The following PALM2AKAP2 variants were observed in gnomAD, a reference collection of about 807,000 sequenced individuals.
PALM2AKAP2 encodes PALM2-AKAP2 fusion protein.
A neutral mutation model predicts 71.5 loss-of-function variants in PALM2AKAP2; 37 were observed. The observed-to-expected ratio is 0.52, with a 90% CI of 0.40 to 0.68. PALM2AKAP2 has a LOEUF of 0.68. Ranked by LOEUF, PALM2AKAP2 falls within the 30% of genes least tolerant of loss-of-function variation. The pLI is 0.00. For missense variants in PALM2AKAP2, 1,224 were observed against 1,191.8 expected (o/e 1.03, Z -0.40); for synonymous variants, 468 against 478.8 (o/e 0.98, Z 0.29).
intron 1 of PALM2AKAP2, among the ~76,000 whole-genome samples, chr9:109,865,340 C>A (rs1281249146): frequency 1.3e-5 from 2 of 152,052 alleles, no homozygotes; most frequent in East Asian, 3.8e-4. Flanking sequence ...CTCGGGTGAT[C>A]CACCCACCTC....
At chr9:110,109,576 A>G (rs1423411678) in intron 1 of PALM2AKAP2, among the ~76,000 whole-genome samples, 1 of 152,148 alleles carries the variant, frequency 6.6e-6, no homozygotes, top group South Asian at 2.1e-4. Flanking sequence ...GAGCTCTGCC[A>G]TAGCTTGACA....
At chr9:109,911,376 A>T (rs1036119686) in intron 3 of PALM2AKAP2, among the ~76,000 whole-genome samples, 16 of 152,346 alleles carry the variant, frequency 1.1e-4, no homozygotes, top group Middle Eastern at 6.8e-3. Flanking sequence ...ACAGATTCTG[A>T]TAGTGTGAGT....
intron 6 of PALM2AKAP2, among the ~76,000 whole-genome samples, chr9:109,967,815 G>A (rs1564238076): frequency 6.6e-6 from 1 of 152,230 alleles, no homozygotes; most frequent in Non-Finnish European, 1.5e-5. Flanking sequence ...AGAAAGTGGT[G>A]GATGAGTCAA....
upstream of PALM2AKAP2, among the ~76,000 whole-genome samples, chr9:109,779,988 G>A (rs1346576795): frequency 4.0e-5 from 6 of 151,782 alleles, no homozygotes; most frequent in Non-Finnish European, 5.9e-5. Context: ...CCAGCCGTGC[G>A]CCCCAGCGGC....
At chr9:109,690,067 G>A (rs1827860313) in intron 1 of PALM2AKAP2, among the ~76,000 whole-genome samples, 2 of 151,892 alleles carry the variant, frequency 1.3e-5, no homozygotes, top group Admixed American at 6.6e-5. Context: ...GCTTATCCAT[G>A]GAGTGGTTTT....
chr9:109,779,396 A>G (rs1829397310), upstream of PALM2AKAP2, among the ~76,000 whole-genome samples: 5 of 152,352 alleles, frequency 3.3e-5, no homozygotes, highest in Admixed American at 3.3e-4. Flanking sequence ...TGCAATGAAC[A>G]GAAGACCCTG....
intron 3 of PALM2AKAP2, among the ~76,000 whole-genome samples, chr9:109,917,821 G>C (rs1374007288): frequency 4.6e-5 from 7 of 152,134 alleles, no homozygotes; most frequent in African/African-American, 1.7e-4. Flanking sequence ...GAGTTGTGTG[G>C]AAGTCCCTTC....
chr9:109,730,343 C>T (rs368586096), intron 1 of PALM2AKAP2, among the ~76,000 whole-genome samples: 5 of 152,166 alleles, frequency 3.3e-5, no homozygotes, highest in South Asian at 2.1e-4. Context: ...GCTGGACTTT[C>T]GCCAAAACAT....
At position 109,755,533 on chromosome 9, in the gene PALM2AKAP2, G is replaced by A. The variant is rs537703977; in HGVS notation, c.6-24955G>A. ...TATTGAAAACAGCCCACAGCCAGGT[G>A]TGGTCGCTGGTACTTGTAAGGTGGG... On this transcript the variant is annotated intron_variant, in intron 1 of 6. Transcript: ENST00000374531. 3.3e-5 allele frequency among the ~76,000 whole-genome samples: 5 copies of A among 152,206 alleles called. No individual in the cohort carries two copies. The South Asian group carries it at 1.0e-3, about 32-fold the overall frequency.
intron 7 of PALM2AKAP2, among the ~76,000 whole-genome samples, chr9:110,023,183 A>C (rs1273248888): frequency 4.6e-5 from 7 of 151,698 alleles, no homozygotes; most frequent in African/African-American, 9.7e-5. Flanking sequence ...GAACTAGTTT[A>C]CAGTCCCACC....
At chr9:109,935,279 TTTTA>T (rs1417191175) in intron 6 of PALM2AKAP2, among the ~76,000 whole-genome samples, 1 of 152,252 alleles carries the variant, frequency 6.6e-6, no homozygotes, top group African/African-American at 2.4e-5. Context: ...AAAAGCAATC[TTTTA>T]TTATTTTTTA....
chr9:109,729,208 G>A (rs988094250), intron 1 of PALM2AKAP2, among the ~76,000 whole-genome samples: 6 of 152,120 alleles, frequency 3.9e-5, no homozygotes, highest in Non-Finnish European at 8.8e-5. Flanking sequence ...CCTTTCCTCC[G>A]TTAATGTGCT....
At chr9:109,976,435 T>C (rs1256146370) in intron 6 of PALM2AKAP2, among the ~76,000 whole-genome samples, 1 of 152,164 alleles carries the variant, frequency 6.6e-6, no homozygotes, top group Admixed American at 6.5e-5. Flanking sequence ...TTGAGGGCTT[T>C]GATGGAGATG....
At chr9:109,992,388 G>C (rs2132242235) in intron 6 of PALM2AKAP2, among the ~76,000 whole-genome samples, 1 of 152,168 alleles carries the variant, frequency 6.6e-6, no homozygotes, top group East Asian at 1.9e-4. Flanking sequence ...GAGGTACTAG[G>C]GGTTAAGATT....
At position 109,930,997 on chromosome 9, in the gene PALM2AKAP2, A is replaced by G. The variant is rs549060460; in HGVS notation, c.395-930A>G. Among the ~76,000 whole-genome samples, 6 of 152,336 alleles carry G rather than the reference A, an allele frequency of 3.9e-5. No individual in the cohort carries two copies. In the South Asian group the frequency reaches 1.0e-3, roughly 26 times the overall value. On this transcript the variant is annotated intron_variant, in intron 5 of 9. Coordinates refer to the PALM2AKAP2 transcript ENST00000302798. ...CTACAGTGAGCAGTTAGATGTAACC[A>G]TTGATGACTGATGGACGTTCCAGGA...
chr9:109,971,860 C>T (rs1435908106), intron 6 of PALM2AKAP2, among the ~76,000 whole-genome samples: 2 of 152,204 alleles, frequency 1.3e-5, no homozygotes, highest in East Asian at 3.8e-4. Context: ...GACCATTTCT[C>T]CTACCCTGAG....
At chr9:110,064,950 C>T (rs543100222) in intron 1 of PALM2AKAP2, among the ~76,000 whole-genome samples, 1 of 152,298 alleles carries the variant, frequency 6.6e-6, no homozygotes, top group South Asian at 2.1e-4. Context: ...TTGATGTTTC[C>T]TCTTGCTTCC....
chr9:109,876,957 T>G (rs1829735591), intron 2 of PALM2AKAP2, among the ~76,000 whole-genome samples: 1 of 152,074 alleles, frequency 6.6e-6, no homozygotes, highest in Admixed American at 6.5e-5. Flanking sequence ...GCAGCTAAGT[T>G]GGTGAGAAGT....
intron 1 of PALM2AKAP2, among the ~76,000 whole-genome samples, chr9:109,739,927 C>T (rs1828693581): frequency 6.6e-6 from 1 of 152,196 alleles, no homozygotes; most frequent in South Asian, 2.1e-4. Flanking sequence ...GACTTCTCAT[C>T]TTAAGGTCTT....
Sources: gnomAD v4.1 joint callset for allele counts (sites outside exome capture counted in the v4.1 genomes callset) on GRCh38, gnomAD v4.1.1 for gene constraint, MANE v1.5 for transcripts, NCBI Gene and HGNC (gene_info 2026-07-23, HGNC 2026-07-21) for gene names.